The following TMEM260 variants were observed in gnomAD, a reference collection of about 807,000 sequenced individuals.
TMEM260 encodes the protein protein O-mannosyl-transferase TMEM260.
Under a neutral mutation model 88.9 loss-of-function variants are expected in TMEM260, and 82 were observed. The ratio of observed to expected loss-of-function variants is 0.92; its 90% CI spans 0.77 to 1.11. The LOEUF (loss-of-function observed/expected upper bound fraction) is 1.11, where lower values mean the gene tolerates loss of function less well. TMEM260 is among the 50% of genes least tolerant of loss of function. The pLI is 0.00. For missense variants in TMEM260, 902 were observed against 853.4 expected (o/e 1.06, Z -0.71); for synonymous variants, 314 against 309.3 (o/e 1.02, Z -0.16).
intron 15 of TMEM260, among the ~76,000 whole-genome samples, chr14:56,644,266 G>A (rs1889804322): frequency 6.6e-6 from 1 of 152,136 alleles, no homozygotes; most frequent in Admixed American, 6.5e-5. Context: ...ATACTACAAG[G>A]CTACACTAAC....
At chr14:56,592,886 G>C (rs1175362188) in intron 3 of TMEM260, among the ~76,000 whole-genome samples, 1 of 152,218 alleles carries the variant, frequency 6.6e-6, no homozygotes, top group African/African-American at 2.4e-5. Context: ...TTGCATGCAA[G>C]TAGCACTGAA....
chr14:56,642,580 A>C (rs1255261854), intron 15 of TMEM260, among the ~76,000 whole-genome samples: 1 of 152,228 alleles, frequency 6.6e-6, no homozygotes, highest in East Asian at 1.9e-4. Context: ...TTGACACCCT[A>C]ACATCACAAT....
At chr14:56,625,972 C>T (rs1247343779) in intron 12 of TMEM260, among the ~76,000 whole-genome samples, 1 of 152,016 alleles carries the variant, frequency 6.6e-6, no homozygotes, top group African/African-American at 2.4e-5. Flanking sequence ...AAGAAAAACA[C>T]CTACAGTTTA....
chr14:56,591,066 G>A (rs1885823780), intron 3 of TMEM260, among the ~76,000 whole-genome samples: 1 of 152,172 alleles, frequency 6.6e-6, no homozygotes, highest in African/African-American at 2.4e-5. Context: ...TTTCTAATAA[G>A]TGGTTTTAAC....
rs1888748935 is a variant in TMEM260, at chr14:56,633,151, C to T, written c.1704C>T (p.Asn568=). Residue 568 remains asparagine (N), a synonymous_variant, in exon 13 of 16, where the codon AAC becomes AAT. Coordinates refer to ENST00000261556, the MANE Select transcript of TMEM260 (RefSeq NM_017799.4). ...EWIKLTKSIY[N]WTEEYGRFDP... is the part of the protein sequence containing the mutation. ...TTAAACTTACAAAAAGTATCTATAA[C>T]TGGACCGAAGAATATGGAAGGTATG... is the stretch of plus-strand genomic sequence containing the variant. 6 of 1,612,598 alleles carry T rather than the reference C, an allele frequency of 3.7e-6. No homozygotes were observed. Among genetic ancestry groups the T allele is most frequent in the South Asian group, 1.1e-5 (1 of 90,956 alleles).
chr14:56,633,570 A>AT (rs893536917), intron 13 of TMEM260: 209 of 149,550 alleles, frequency 1.4e-3, no homozygotes, highest in South Asian at 1.9e-3. Context: ...CAAACTTGTC[A>AT]TTTTTTTTTT....
chr14:56,618,492 C>A, intron 9 of TMEM260, 102 bp from the exon 10 acceptor site: 2 of 1,048,992 alleles, frequency 1.9e-6, no homozygotes, highest in Non-Finnish European at 2.8e-6. Context: ...ACAACAGGCA[C>A]ACACAACTAG....
intron 10 of TMEM260, among the ~76,000 whole-genome samples, chr14:56,619,039 G>C (rs78870259): frequency 0.021 from 3,248 of 152,288 alleles, 221 homozygotes; most frequent in East Asian, 0.19. Flanking sequence ...GATACTTTTA[G>C]AATCCCTAGT....
intron 6 of TMEM260, among the ~76,000 whole-genome samples, 196 bp downstream of exon 6, chr14:56,609,481 A>T (rs1887116594): frequency 6.6e-6 from 1 of 152,190 alleles, no homozygotes; most frequent in African/African-American, 2.4e-5. Flanking sequence ...ACTTAATTTA[A>T]CATCATGTAG....
the TMEM260 span, among the ~76,000 whole-genome samples, chr14:56,655,795 A>G: frequency 6.6e-6 from 1 of 152,160 alleles, no homozygotes; most frequent in African/African-American, 2.4e-5. Flanking sequence ...CTATTTTATT[A>G]TCATGCACCT....
chr14:56,615,979 T>C lies in TMEM260; in HGVS notation c.893T>C (p.Phe298Ser). The C allele has an allele frequency of 6.2e-7, 1 of 1,613,432 alleles. No individual in the cohort carries two copies. The highest frequency in any genetic ancestry group is 8.5e-7 in the Non-Finnish European group (1 of 1,179,518). ...QVTNMRTELS[F>S]NIQALAVCAN... ...ACAAATATGAGGACCGAACTCTCAT[T>C]CAACATCCAAGCCCTTGCAGTTTGT... The change falls in exon 8 of 16, where the codon TTC (phenylalanine) becomes TCC (serine). Residue 298 changes from phenylalanine to serine, a missense_variant. Physicochemically the swap from Phe to Ser is radical, Grantham distance 155 (BLOSUM62 -2). Coordinates refer to ENST00000261556, the MANE Select transcript of TMEM260 (RefSeq NM_017799.4).
At chr14:56,655,872 C>T in the TMEM260 span, among the ~76,000 whole-genome samples, 6 of 152,142 alleles carry the variant, frequency 3.9e-5, no homozygotes, top group Non-Finnish European at 7.4e-5. Flanking sequence ...GTGCTATCTC[C>T]TGTGGGAAGT....
intron 12 of TMEM260, among the ~76,000 whole-genome samples, chr14:56,632,347 C>T (rs374944421): frequency 2.6e-5 from 4 of 152,184 alleles, no homozygotes; most frequent in East Asian, 3.8e-4. Flanking sequence ...CTTGGAAGCA[C>T]AATGCCTCTG....
rs777167425 is a variant in TMEM260, at chr14:56,603,885, T to A, written c.415T>A (p.Trp139Arg). ...TTCATTTTCTCGTCTAACATGGCAG[T>A]GGTCCATTGCAGCAGAGGTTTTTAG... ...VFSFSRLTWQ[W>R]SIAAEVFSLN... The change falls in exon 4 of 16, where the codon TGG becomes AGG. Residue 139 changes from tryptophan to arginine, a missense_variant. Coordinates refer to ENST00000261556, the MANE Select transcript of TMEM260 (RefSeq NM_017799.4). 19 of 1,613,994 alleles carry A rather than the reference T, an allele frequency of 1.2e-5. 1 individual carries two copies. In the South Asian group the frequency reaches 1.9e-4, roughly 16 times the overall value.
intron 3 of TMEM260, among the ~76,000 whole-genome samples, chr14:56,600,177 C>T (rs1170083999): frequency 6.6e-6 from 1 of 152,072 alleles, no homozygotes; most frequent in Non-Finnish European, 1.5e-5. Flanking sequence ...TGTACGAAAA[C>T]ATGAATACTG....
chr14:56,604,251 C>T (rs528630228), intron 4 of TMEM260, among the ~76,000 whole-genome samples: 22 of 151,986 alleles, frequency 1.4e-4, no homozygotes, highest in Admixed American at 1.4e-3. Context: ...CCCTGTGTGT[C>T]CGGTGGGAAA....
At chr14:56,655,226 C>T (rs1890279562), downstream of TMEM260, among the ~76,000 whole-genome samples, 1 of 151,986 alleles carries the variant, frequency 6.6e-6, no homozygotes, top group African/African-American at 2.4e-5. Flanking sequence ...CCCGTCTCTA[C>T]TAAAAATACA....
the TMEM260 span, among the ~76,000 whole-genome samples, chr14:56,657,134 C>G: frequency 1.3e-5 from 2 of 152,188 alleles, no homozygotes; most frequent in African/African-American, 4.8e-5. Flanking sequence ...AGGACAGCTT[C>G]TGCAGGCGCT....
Position 56,647,654 on chromosome 14 carries a change from T to G in TMEM260, c.*157T>G. The G allele has an allele frequency of 1.0e-5, 8 of 762,296 alleles. No homozygotes were observed. The highest frequency in any genetic ancestry group is 1.2e-5 in the Non-Finnish European group (6 of 501,882). The allele number at this position is 762,296 out of a possible 1,614,324, so 47.2% of individuals were successfully genotyped here. On this transcript the variant is annotated 3_prime_UTR_variant, in exon 16 of 16. Transcript: ENST00000261556. ...TCCAGCAGTACTGTTTAATGGGGTA[T>G]TCAGTGACTAAGGTCTGCTATTTAT...
Sources: allele counts gnomAD v4.1 joint callset (sites outside exome capture counted in the v4.1 genomes callset), GRCh38; gene constraint gnomAD v4.1.1; transcripts MANE v1.5; gene names NCBI Gene and HGNC (gene_info 2026-07-23, HGNC 2026-07-21).